Variants in PLA2G2C observed in about 807,000 individuals in gnomAD.
PLA2G2C encodes phospholipase A2 group IIC.
Under a neutral mutation model 14.3 loss-of-function variants are expected in PLA2G2C, and 15 were observed. The observed-to-expected ratio is 1.05, with a 90% confidence interval of 0.70 to 1.62. The LOEUF (loss-of-function observed/expected upper bound fraction) is 1.62, where lower values mean the gene tolerates loss of function less well. Ranked by LOEUF, PLA2G2C falls within the 40% of genes most tolerant of loss-of-function variation. PLA2G2C has a pLI of 0.00. For synonymous variants in PLA2G2C, 79 were observed against 67.7 expected (o/e 1.17, Z -0.82); for missense variants, 162 against 173.2 (o/e 0.94, Z 0.36).
rs532793453 is a variant in PLA2G2C, at chr1:20,164,065, G to T, written c.376C>A (p.Leu126Met). The change falls in exon 5 of 5, where the codon CTG (leucine) becomes ATG (methionine). Residue 126 changes from leucine to methionine, a missense_variant. Transcript: ENST00000679259. ...KQSVHCFKES[L>M]PTYEKNFKQF... ...TTGAAGTTTTTCTCATAGGTGGGCAGGCTCTCTTTGAAGCAGTGCACGGAT... is the reference window on the plus strand; with the variant it reads ...TTGAAGTTTTTCTCATAGGTGGGCATGCTCTCTTTGAAGCAGTGCACGGAT... The T allele has an allele frequency of 2.5e-6, 4 of 1,613,904 alleles. No homozygotes were observed. In the South Asian group the frequency reaches 4.4e-5, roughly 18 times the overall value.
At chr1:20,180,229 GTC>G (rs2018261572) in intron 1 of PLA2G2C, among the ~76,000 whole-genome samples, 2 of 152,104 alleles carry the variant, frequency 1.3e-5, no homozygotes, top group Non-Finnish European at 1.5e-5. Context: ...TTGCATCAGA[GTC>G]TGTTTCTAGG....
intron 1 of PLA2G2C, among the ~76,000 whole-genome samples, chr1:20,184,924 C>T (rs1318758160): frequency 1.3e-5 from 2 of 151,912 alleles, no homozygotes; most frequent in Admixed American, 6.6e-5. Flanking sequence ...GAGGCTGAGG[C>T]GGGAGGATCA....
intron 4 of PLA2G2C, among the ~76,000 whole-genome samples, chr1:20,168,371 A>G (rs2018011650): frequency 6.6e-6 from 1 of 152,250 alleles, no homozygotes; most frequent in South Asian, 2.1e-4. Context: ...CAGACCCCAC[A>G]CTGCTTAGTC....
At chr1:20,167,498 C>T (rs971507343) in intron 4 of PLA2G2C, among the ~76,000 whole-genome samples, 29 of 152,296 alleles carry the variant, frequency 1.9e-4, no homozygotes, top group African/African-American at 6.7e-4. Flanking sequence ...TGACCCTACC[C>T]GCACAGCATT....
chr1:20,172,686 G>A, intron 4 of PLA2G2C, 108 bp downstream of exon 4: 2 of 961,806 alleles, frequency 2.1e-6, no homozygotes, highest in East Asian at 5.3e-5. Context: ...CTCCTTCCAA[G>A]CACTTGGAAG....
intron 4 of PLA2G2C, among the ~76,000 whole-genome samples, chr1:20,164,512 G>A (rs1365992858): frequency 2.0e-5 from 3 of 152,174 alleles, no homozygotes; most frequent in Non-Finnish European, 4.4e-5. Flanking sequence ...CACGAGTGCT[G>A]GAGAAGCCTA....
At chr1:20,169,959 C>T (rs2018042781) in intron 4 of PLA2G2C, among the ~76,000 whole-genome samples, 1 of 152,234 alleles carries the variant, frequency 6.6e-6, no homozygotes, top group Non-Finnish European at 1.5e-5. Context: ...GTGTGAGGGC[C>T]TCCAATCATG....
At chr1:20,175,837 C>T (rs1049688966) in intron 2 of PLA2G2C, among the ~76,000 whole-genome samples, 1 of 151,986 alleles carries the variant, frequency 6.6e-6, no homozygotes, top group Non-Finnish European at 1.5e-5. Flanking sequence ...GAGAAAGAAA[C>T]AGGCAACATT....
chr1:20,184,459 CT>C (rs1374300413), intron 1 of PLA2G2C: 1 of 152,268 alleles, frequency 6.6e-6, no homozygotes, highest in East Asian at 1.9e-4. Context: ...GCCACAGAGG[CT>C]TCCTGGATGA....
At chr1:20,166,965 C>A (rs2017989607) in intron 4 of PLA2G2C, among the ~76,000 whole-genome samples, 1 of 152,226 alleles carries the variant, frequency 6.6e-6, no homozygotes, top group Non-Finnish European at 1.5e-5. Flanking sequence ...CTTTTAAAAA[C>A]AAGCTTAACT....
intron 4 of PLA2G2C, among the ~76,000 whole-genome samples, chr1:20,166,738 C>T (rs531822829): frequency 6.6e-6 from 1 of 152,304 alleles, no homozygotes; most frequent in East Asian, 1.9e-4. Flanking sequence ...CTCTCCCTTT[C>T]TCATTTGGTC....
intron 4 of PLA2G2C, among the ~76,000 whole-genome samples, chr1:20,165,367 C>CA (rs1483258959): frequency 6.6e-6 from 1 of 152,210 alleles, no homozygotes. Context: ...TTGTCTCACT[C>CA]ACTGTGCTTT....
rs925940434 is a variant in PLA2G2C at position 20,177,437 on chromosome 1, C to A, written c.-74G>T. 2.1e-5 allele frequency: 13 copies of A among 607,068 alleles called. No individual in the cohort carries two copies. The highest frequency in any genetic ancestry group is 2.1e-4 in the African/African-American group (11 of 53,354). 37.6% of individuals were successfully genotyped at this position (607,068 alleles called of 1,614,324 possible). A position where few individuals can be genotyped will look rare whatever the true frequency, so the allele number is the denominator to read the frequency against. On this transcript the variant is annotated splice_region_variant and 5_prime_UTR_variant, in exon 2 of 5. Transcript: ENST00000679259. ...GTGTGTGAGGGGTCTCCCAGCTGAA[C>A]CTCTGTTCCAGGACAAAATGACCAA...
chr1:20,178,329 T>C (rs1026668357), intron 1 of PLA2G2C, among the ~76,000 whole-genome samples: 1 of 152,070 alleles, frequency 6.6e-6, no homozygotes, highest in Admixed American at 6.6e-5. Flanking sequence ...GGACTTGGAG[T>C]GTGAAACAAT....
chr1:20,175,222 A>G (rs1193950505), intron 2 of PLA2G2C, 77 bp from the exon 3 acceptor site: 1 of 1,605,064 alleles, frequency 6.2e-7, no homozygotes, highest in Non-Finnish European at 8.5e-7. Flanking sequence ...CCCTCCCCTT[A>G]CTAGAGTGCT....
chr1:20,179,492 T>C (rs1275424845), intron 1 of PLA2G2C, among the ~76,000 whole-genome samples: 2 of 150,176 alleles, frequency 1.3e-5, no homozygotes, highest in East Asian at 2.0e-4. Context: ...TTCTCCCTTT[T>C]GTGTCAGCTT....
chr1:20,172,152 C>T (rs573321138), intron 4 of PLA2G2C, among the ~76,000 whole-genome samples: 73 of 152,252 alleles, frequency 4.8e-4, no homozygotes, highest in African/African-American at 1.5e-3. Flanking sequence ...ATGGTGCTCA[C>T]GAAAGACTAC....
At position 20,175,094 on chromosome 1, in the gene PLA2G2C, G is replaced by C; in HGVS notation, c.92C>G (p.Thr31Arg). ...WQFQRRVKHI[T>R]GRSAFFSYYG... ...ATATGAGAAGAAGGCACTTCGCCCC[G>C]TGATGTGTTTGACCCTCCTCTGAAA... Residue 31 changes from threonine to arginine, a missense_variant, in exon 3 of 5, where the codon ACG becomes AGG. Physicochemically the swap from Thr to Arg is moderately conservative, Grantham distance 71. Coordinates refer to ENST00000679259, the MANE Select transcript of PLA2G2C (RefSeq NM_001367969.2). 1 of 1,613,894 alleles carries C rather than the reference G, an allele frequency of 6.2e-7. No homozygotes were observed. Among genetic ancestry groups the C allele is most frequent in the South Asian group, 1.1e-5 (1 of 91,078 alleles).
intron 1 of PLA2G2C, among the ~76,000 whole-genome samples, chr1:20,179,381 T>A (rs149043706): frequency 1.2e-3 from 189 of 152,222 alleles, no homozygotes; most frequent in Admixed American, 3.1e-3. Flanking sequence ...AGCTTCTACC[T>A]CTGTGTCAAC....
Sources: gnomAD v4.1 joint callset for allele counts (sites outside exome capture counted in the v4.1 genomes callset) on GRCh38, gnomAD v4.1.1 for gene constraint, MANE v1.5 for transcripts, NCBI Gene and HGNC (gene_info 2026-07-23, HGNC 2026-07-21) for gene names.